DOP1A: variants seen among roughly 807,000 people sequenced by gnomAD.
DOP1A encodes the protein protein DOP1A.
In DOP1A, 90 loss-of-function variants were observed where a neutral mutation model predicts 267.6. The ratio of observed to expected loss-of-function variants is 0.34; its 90% confidence interval spans 0.28 to 0.40. DOP1A has a LOEUF of 0.40. Ranked by LOEUF, DOP1A falls within the 10% of genes least tolerant of loss-of-function variation. DOP1A has a pLI of 1.00. For missense variants in DOP1A, 2,437 were observed against 2,900.4 expected (o/e 0.84, Z 3.67); for synonymous variants, 932 against 999.1 (o/e 0.93, Z 1.27).
intron 25 of DOP1A, 113 bp downstream of exon 25, chr6:83,145,771 G>C: frequency 1.1e-6 from 1 of 947,892 alleles, no homozygotes; most frequent in Non-Finnish European, 1.5e-6. Context: ...TTGCAGAGAT[G>C]ACTGCATGTG....
rs1777608631 is a variant in DOP1A at position 83,128,880 on chromosome 6, C to CT, written c.1720-6dup. 12 of 1,515,022 alleles carry CT rather than the reference C, an allele frequency of 7.9e-6. No homozygotes were observed. Among genetic ancestry groups the CT allele is most frequent in the Non-Finnish European group, 3.5e-6 (4 of 1,133,580 alleles). 93.8% of individuals were successfully genotyped at this position (1,515,022 alleles called of 1,614,324 possible). ...CAGCCTTTTGTTTTCTTAAAAATCT[C>CT]TAACAGGTATCATCAGTTTCTCATG... On this transcript the variant is annotated splice_polypyrimidine_tract_variant and splice_region_variant and intron_variant, in intron 15 of 38. Transcript: ENST00000349129.
At chr6:83,160,240 A>G (rs1446630226) in intron 37 of DOP1A, among the ~76,000 whole-genome samples, 2 of 152,210 alleles carry the variant, frequency 1.3e-5, no homozygotes, top group Non-Finnish European at 1.5e-5. Context: ...TACTCATACT[A>G]TGGTGGCTCA....
Position 83,154,054 on chromosome 6 carries a change from C to G in DOP1A, c.6389+11C>G. On this transcript the variant is annotated intron_variant, in intron 32 of 38. Transcript: ENST00000349129. Reference sequence around the variant, plus strand: ...CTCTTGTGTTAATCAGTAAGTTGCCCTCTTATTTGTATTCAGCATGATGCA... The same window carrying G: ...CTCTTGTGTTAATCAGTAAGTTGCCGTCTTATTTGTATTCAGCATGATGCA... 1 of 1,613,666 alleles carries G rather than the reference C, an allele frequency of 6.2e-7. No individual in the cohort carries two copies. The highest frequency in any genetic ancestry group is 1.3e-5 in the African/African-American group (1 of 75,002).
rs1254816201 is a variant in DOP1A at position 83,096,842 on chromosome 6, T to G, written c.-54+19T>G. 1.0e-6 allele frequency: 1 copy of G among 979,254 alleles called. No homozygotes were observed. Among genetic ancestry groups the G allele is most frequent in the African/African-American group, 1.6e-5 (1 of 61,470 alleles). 60.7% of individuals were successfully genotyped at this position (979,254 alleles called of 1,614,324 possible). On this transcript the variant is annotated intron_variant, in intron 2 of 38. Transcript: ENST00000349129. ...GCTAACAGTAAGGAACATTTTCAAG[T>G]TAGTCATTACCTTTGTAGTAAGATC...
chr6:83,094,339 T>C (rs966625680), intron 1 of DOP1A, among the ~76,000 whole-genome samples: 6 of 152,232 alleles, frequency 3.9e-5, no homozygotes, highest in Admixed American at 6.5e-5. Context: ...TTTTGGCTAT[T>C]ATGAATAATG....
At chr6:83,110,586 T>C (rs1424070734) in intron 6 of DOP1A, among the ~76,000 whole-genome samples, 3 of 152,164 alleles carry the variant, frequency 2.0e-5, no homozygotes, top group African/African-American at 4.8e-5. Context: ...ATGGAATTTA[T>C]GTGAGAAGAT....
rs1422377996 is a variant in DOP1A at position 83,137,832 on chromosome 6, A to G, written c.3790A>G (p.Ser1264Gly). The change falls in exon 21 of 39, where the codon AGT becomes GGT. Residue 1264 changes from serine to glycine, a missense_variant. By Grantham distance (56) the Ser-to-Gly change is moderately conservative. Coordinates refer to ENST00000349129, the MANE Select transcript of DOP1A (RefSeq NM_015018.4). ...CATAGAAACCAAATCTAGACAAAGGAGTCACAGTAGTATTCAATTCAGCTT... is the reference window on the plus strand; with the variant it reads ...CATAGAAACCAAATCTAGACAAAGGGGTCACAGTAGTATTCAATTCAGCTT... ...ASIETKSRQRSHSSIQFSFKE... is the reference protein window; with the variant it reads ...ASIETKSRQRGHSSIQFSFKE... 1.2e-6 allele frequency: 2 copies of G among 1,613,840 alleles called. No individual in the cohort carries two copies. Among genetic ancestry groups the G allele is most frequent in the South Asian group, 2.2e-5 (2 of 91,076 alleles).
At chr6:83,166,350 C>A in intron 38 of DOP1A, 1 of 692,658 alleles carries the variant, frequency 1.4e-6, no homozygotes. Flanking sequence ...TCCTCATCTT[C>A]AAGGCTCTAG....
In DOP1A at chr6:83,150,596, T is replaced by C. The variant is rs1781459138; in HGVS notation, c.5838-997T>C. ...AAATTACCTAATTAAAAAATAGATA[T>C]TGATATGAAGGTTGCTCTTTAGTTT... On this transcript the variant is annotated intron_variant, in intron 27 of 38. Transcript: ENST00000349129. 2.6e-5 allele frequency among the ~76,000 whole-genome samples: 4 copies of C among 152,104 alleles called. 1 individual carries two copies. The highest frequency in any genetic ancestry group is 4.1e-4 in the South Asian group (2 of 4,836).
chr6:83,083,420 T>TAAA (rs560759261), intron 1 of DOP1A, among the ~76,000 whole-genome samples: 3 of 139,450 alleles, frequency 2.2e-5, no homozygotes, highest in Admixed American at 7.2e-5. Flanking sequence ...ACTTGTGGTT[T>TAAA]AAAAAAAAAA....
intron 1 of DOP1A, among the ~76,000 whole-genome samples, chr6:83,085,528 T>C (rs889088833): frequency 3.3e-5 from 5 of 152,180 alleles, no homozygotes; most frequent in Admixed American, 2.0e-4. Context: ...ATCTGTCACA[T>C]AGAGTTGACC....
intron 38 of DOP1A, chr6:83,166,951 G>C: frequency 1.0e-6 from 1 of 986,340 alleles, no homozygotes; most frequent in Non-Finnish European, 1.2e-6. Flanking sequence ...TCTTTAGTGT[G>C]GAATTGTATC....
intron 27 of DOP1A, among the ~76,000 whole-genome samples, chr6:83,151,310 A>AG (rs1781623391): frequency 4.6e-5 from 7 of 152,056 alleles, no homozygotes; most frequent in Admixed American, 1.3e-4. Context: ...ATGCACCACC[A>AG]CGCCTGGCCA....
intron 4 of DOP1A, among the ~76,000 whole-genome samples, chr6:83,101,827 CAAATT>C (rs1772638576): frequency 6.6e-6 from 1 of 152,134 alleles, no homozygotes; most frequent in Admixed American, 6.5e-5. Flanking sequence ...TGTAGATAAA[CAAATT>C]AACATAGCCA....
At chr6:83,116,669 G>A (rs1323588718) in intron 7 of DOP1A, among the ~76,000 whole-genome samples, 10 of 152,022 alleles carry the variant, frequency 6.6e-5, no homozygotes, top group South Asian at 2.1e-4. Context: ...AAATTAGCTC[G>A]GCATGGTGGC....
intron 20 of DOP1A, 107 bp downstream of exon 20, chr6:83,135,985 T>C: frequency 7.4e-7 from 1 of 1,343,354 alleles, no homozygotes; most frequent in East Asian, 2.5e-5. Flanking sequence ...ATTTTCTCCA[T>C]GGGCTTATTT....
chr6:83,084,750 T>G (rs1339353131), intron 1 of DOP1A, among the ~76,000 whole-genome samples: 1 of 151,490 alleles, frequency 6.6e-6, no homozygotes, highest in Non-Finnish European at 1.5e-5. Context: ...ACCTGGCTAA[T>G]TTTTGTATTT....
In DOP1A at chr6:83,139,044, C is replaced by T. The variant is rs576880711; in HGVS notation, c.5002C>T (p.Leu1668=). 2.7e-5 allele frequency: 43 copies of T among 1,614,086 alleles called. No homozygotes were observed. In the East Asian group the frequency reaches 9.4e-4, roughly 35 times the overall value. ...PQWIGLITST[L]PYMGKVLQRV... is the part of the protein sequence containing the mutation. ...ATGGATTGGTTTAATCACATCTACT[C>T]TGCCTTACATGGGAAAAGTTCTGCA... The change falls in exon 21 of 39, where the codon CTG becomes TTG. Residue 1668 remains leucine (L), a synonymous_variant. Transcript: ENST00000349129.
chr6:83,074,339 T>C (rs1021745133), intron 1 of DOP1A, among the ~76,000 whole-genome samples: 1 of 152,104 alleles, frequency 6.6e-6, no homozygotes, highest in African/African-American at 2.4e-5. Flanking sequence ...AAGGAGGAAA[T>C]ACCACATTTT....
Sources: allele counts gnomAD v4.1 joint callset (sites outside exome capture counted in the v4.1 genomes callset), GRCh38; gene constraint gnomAD v4.1.1; transcripts MANE v1.5; gene names NCBI Gene and HGNC (gene_info 2026-07-23, HGNC 2026-07-21).